Variants in CDH17 observed in about 807,000 individuals in gnomAD.
CDH17 encodes cadherin 17.
A neutral mutation model predicts 86.3 loss-of-function variants in CDH17; 67 were observed. That is an observed-to-expected ratio of 0.78 (90% CI 0.64 to 0.95). The LOEUF is 0.95. Among genes scored for constraint, CDH17 ranks in the 40% least tolerant of loss-of-function variants. The pLI is 0.00. For synonymous variants in CDH17, 367 were observed against 366.4 expected (o/e 1.00, Z -0.02); for missense variants, 993 against 1,017.6 (o/e 0.98, Z 0.33).
At chr8:94,159,930 A>G (rs753512228) in intron 12 of CDH17, 41 bp downstream of exon 12, 1 of 1,513,316 alleles carries the variant, frequency 6.6e-7, no homozygotes, top group Non-Finnish European at 9.0e-7. Context: ...AAATTAACCC[A>G]CAAACAAAGA....
At chr8:94,185,897 C>A (rs529939183) in intron 3 of CDH17, among the ~76,000 whole-genome samples, 12 of 152,256 alleles carry the variant, frequency 7.9e-5, no homozygotes, top group African/African-American at 2.9e-4. Flanking sequence ...TCCCTCTTGT[C>A]CCAAATACTA....
chr8:94,172,044 C>A (rs899290102), intron 7 of CDH17, among the ~76,000 whole-genome samples: 3 of 144,232 alleles, frequency 2.1e-5, no homozygotes, highest in African/African-American at 7.6e-5. Flanking sequence ...CCCTCTCCCC[C>A]TCTCTCTTTC....
intron 17 of CDH17, among the ~76,000 whole-genome samples, chr8:94,129,730 A>G (rs769065105): frequency 2.0e-5 from 3 of 152,168 alleles, no homozygotes; most frequent in African/African-American, 2.4e-5. Flanking sequence ...CAAATCTGAA[A>G]CTTTTGGGGT....
At chr8:94,152,380 T>C (rs988044747) in intron 12 of CDH17, among the ~76,000 whole-genome samples, 1 of 152,184 alleles carries the variant, frequency 6.6e-6, no homozygotes, top group African/African-American at 2.4e-5. Context: ...GGCAATGATC[T>C]TTTTTTATTA....
chr8:94,160,295 C>G (rs1455210026), intron 11 of CDH17, 133 bp from the exon 12 acceptor site: 1 of 638,286 alleles, frequency 1.6e-6, no homozygotes, highest in African/African-American at 1.8e-5. Flanking sequence ...ATGTTTTTTC[C>G]TATTGATGAA....
chr8:94,171,082 A>C, intron 7 of CDH17, 97 bp from the exon 8 acceptor site: 1 of 1,276,912 alleles, frequency 7.8e-7, no homozygotes, highest in Non-Finnish European at 1.1e-6. Flanking sequence ...AATCTCTGAC[A>C]ACCTTGTATG....
intron 17 of CDH17, among the ~76,000 whole-genome samples, chr8:94,130,291 C>T (rs937646277): frequency 6.6e-6 from 1 of 152,150 alleles, no homozygotes; most frequent in Non-Finnish European, 1.5e-5. Flanking sequence ...TCACTCTTTC[C>T]CCATCAAGCA....
intron 12 of CDH17, among the ~76,000 whole-genome samples, chr8:94,156,528 G>A (rs1298281219): frequency 6.6e-6 from 1 of 152,186 alleles, no homozygotes; most frequent in Non-Finnish European, 1.5e-5. Context: ...GCACACGAGA[G>A]GCTGGAGCTT....
chr8:94,209,389 C>A (rs1814086324), upstream of CDH17, among the ~76,000 whole-genome samples: 1 of 152,152 alleles, frequency 6.6e-6, no homozygotes, highest in Non-Finnish European at 1.5e-5. Flanking sequence ...TTCTGTGGAC[C>A]TTCTCATGTT....
chr8:94,211,312 T>A (rs1814117968), upstream of CDH17, among the ~76,000 whole-genome samples: 1 of 151,756 alleles, frequency 6.6e-6, no homozygotes, highest in South Asian at 2.1e-4. Context: ...TTCTTTTTTA[T>A]TTTATTTTAT....
chr8:94,206,167 A>G (rs971397), intron 1 of CDH17, among the ~76,000 whole-genome samples: 7,013 of 58,416 alleles, frequency 0.12, 219 homozygotes, highest in East Asian at 0.25. Flanking sequence ...TGCTTAAGTG[A>G]AAAAAAAAAA....
intron 15 of CDH17, among the ~76,000 whole-genome samples, chr8:94,132,829 G>C (rs1812445947): frequency 6.6e-6 from 1 of 152,134 alleles, no homozygotes; most frequent in African/African-American, 2.4e-5. Context: ...AATCCATCTT[G>C]AATTAATTTT....
intron 1 of CDH17, among the ~76,000 whole-genome samples, 176 bp downstream of exon 1, chr8:94,208,307 G>C (rs1170708349): frequency 6.6e-6 from 1 of 152,064 alleles, no homozygotes; most frequent in African/African-American, 2.4e-5. Flanking sequence ...AAAAAAAATT[G>C]TGCTCCATAA....
At chr8:94,172,456 G>A in intron 7 of CDH17, among the ~76,000 whole-genome samples, 1 of 151,406 alleles carries the variant, frequency 6.6e-6, no homozygotes, top group Non-Finnish European at 1.5e-5. Context: ...AAAAATTAGG[G>A]GAACTACAGA....
At chr8:94,192,858 T>C (rs1228044627) in intron 2 of CDH17, among the ~76,000 whole-genome samples, 1 of 152,224 alleles carries the variant, frequency 6.6e-6, no homozygotes. Context: ...TCTAACCCTC[T>C]GATAAATCTA....
intron 3 of CDH17, among the ~76,000 whole-genome samples, chr8:94,183,294 C>T (rs1585972): frequency 0.36 from 54,214 of 151,964 alleles, 10,586 homozygotes; most frequent in South Asian, 0.47. Flanking sequence ...CTCAGAATAG[C>T]CAACAACAAA....
chr8:94,200,905 A>G (rs1382887184), intron 1 of CDH17, among the ~76,000 whole-genome samples: 1 of 152,128 alleles, frequency 6.6e-6, no homozygotes, highest in Non-Finnish European at 1.5e-5. Flanking sequence ...AACTCTATGG[A>G]GCAGATGCTA....
chr8:94,137,230 G>C lies in CDH17; in HGVS notation c.2168-6238C>G, dbSNP rs115535433. On this transcript the variant is annotated intron_variant, in intron 15 of 17. Coordinates refer to ENST00000027335, the MANE Select transcript of CDH17 (RefSeq NM_004063.4). ...GAAGTTATCTGCTACCTTTTGTTCA[G>C]CTATGCCCTGTCCATAGAAATGGAG... 2.9e-3 allele frequency among the ~76,000 whole-genome samples: 447 copies of C among 152,314 alleles called. 2 individuals carry two copies. The highest frequency in any genetic ancestry group is 1.0e-2 in the African/African-American group (414 of 41,566).
At chr8:94,195,977 G>A (rs545391559) in intron 1 of CDH17, among the ~76,000 whole-genome samples, 42 of 151,770 alleles carry the variant, frequency 2.8e-4, no homozygotes, top group African/African-American at 9.4e-4. Context: ...AGCCACGATG[G>A]TCTCAATCTC....
Sources: gnomAD v4.1 joint callset for allele counts (sites outside exome capture counted in the v4.1 genomes callset) on GRCh38, gnomAD v4.1.1 for gene constraint, MANE v1.5 for transcripts, NCBI Gene and HGNC (gene_info 2026-07-23, HGNC 2026-07-21) for gene names.